The following ZNF185 variants were observed in gnomAD, a reference collection of about 807,000 sequenced individuals.
The protein encoded by ZNF185 is zinc finger protein 185.
Under a neutral mutation model 58.6 loss-of-function variants are expected in ZNF185, and 56 were observed. The observed-to-expected ratio is 0.95, with a 90% CI of 0.77 to 1.19. ZNF185 has a LOEUF of 1.19. Among genes scored for constraint, ZNF185 ranks in the 50% most tolerant of loss-of-function variants. The pLI, the probability that ZNF185 is intolerant of heterozygous loss-of-function variation, is 0.00. For missense variants in ZNF185, 627 were observed against 573.5 expected (o/e 1.09, Z -0.95); for synonymous variants, 230 against 215.9 (o/e 1.07, Z -0.57).
At chrX:152,954,139 A>C (rs34659159) in intron 16 of ZNF185, among the ~76,000 whole-genome samples, 722 of 67,759 alleles carry the variant, frequency 0.011, 10 homozygotes, top group African/African-American at 0.03. Context: ...CAAAATAATA[A>C]AAAAAAAAAA....
At chrX:152,910,523 A>C (rs1937020534), upstream of ZNF185, among the ~76,000 whole-genome samples, 1 of 112,309 alleles carries the variant, frequency 8.9e-6, no homozygotes, top group African/African-American at 3.2e-5. Context: ...TAAATACTAC[A>C]TGTCTCAGTA....
At chrX:152,969,278 C>T (rs5925266) in intron 20 of ZNF185, 104 bp from the exon 23 acceptor site, 172,929 of 639,272 alleles carry the variant, frequency 0.27, 16,651 homozygotes, top group South Asian at 0.42. Context: ...GGGATCCTGA[C>T]AGCAAACCTG....
At chrX:152,917,405 T>G (rs1556866733) in intron 5 of ZNF185, 43 bp downstream of exon 6, 3 of 1,183,607 alleles carry the variant, frequency 2.5e-6, no homozygotes, top group Admixed American at 4.4e-5. Context: ...TGGGGAGGTG[T>G]GAGGGCCTGG....
chrX:152,938,357 C>G (rs1334963143), intron 15 of ZNF185, among the ~76,000 whole-genome samples, 194 bp downstream of exon 17: 2 of 112,499 alleles, frequency 1.8e-5, no homozygotes, highest in African/African-American at 6.5e-5. Flanking sequence ...AAACTGTTGC[C>G]TTGGCCAGGA....
chrX:152,911,743 TCCATC>T (rs1282148638), upstream of ZNF185, among the ~76,000 whole-genome samples: 3 of 28,270 alleles, frequency 1.1e-4, no homozygotes, highest in African/African-American at 3.0e-4. Flanking sequence ...TCCCATCACA[TCCATC>T]CCATCCCATC....
At position 152,960,969 on chromosome X, in the gene ZNF185, C is replaced by G. The variant is rs1160187240; in HGVS notation, c.1607+1073C>G. On this transcript the variant is annotated intron_variant, in intron 17 of 22. Coordinates refer to ENST00000449285, the Ensembl canonical transcript of ZNF185. ...TGGTCACTGGGAACCCACCTATTGGCTCTTGCACTGGCAGGACATGTGGTA... is the reference window on the plus strand; with the variant it reads ...TGGTCACTGGGAACCCACCTATTGGGTCTTGCACTGGCAGGACATGTGGTA... Among the ~76,000 whole-genome samples the G allele has an allele frequency of 8.9e-5, 10 of 112,533 alleles. No individual in the cohort carries two copies. In the Admixed American group the frequency reaches 9.4e-4, roughly 11 times the overall value.
intron 16 of ZNF185, among the ~76,000 whole-genome samples, chrX:152,948,534 CTGAG>C (rs782391258): frequency 8.9e-5 from 10 of 112,035 alleles, no homozygotes; most frequent in African/African-American, 3.2e-4. Context: ...CAACTCACTG[CTGAG>C]GGGAACTGAG....
chrX:152,971,552 A>T (rs1442021217), exon 23 of ZNF185: 3 of 112,201 alleles, frequency 2.7e-5, no homozygotes, highest in African/African-American at 9.7e-5. Flanking sequence ...TCAAACAGGA[A>T]TTCCATCTTG....
chrX:152,920,031 C>T (rs781796459), intron 7 of ZNF185, among the ~76,000 whole-genome samples: 5 of 113,378 alleles, frequency 4.4e-5, no homozygotes, highest in South Asian at 7.1e-4. Flanking sequence ...ATCTGTAAAT[C>T]ACAGAGGATA....
chrX:152,959,204 A>G (rs1193119264), intron 16 of ZNF185, among the ~76,000 whole-genome samples: 3 of 110,907 alleles, frequency 2.7e-5, no homozygotes, highest in Non-Finnish European at 5.7e-5. Flanking sequence ...ACACGTGCGC[A>G]CTCCCCTACC....
At chrX:152,915,906 G>A (rs1161012500) in intron 3 of ZNF185, among the ~76,000 whole-genome samples, 1 of 111,900 alleles carries the variant, frequency 8.9e-6, no homozygotes, top group Non-Finnish European at 1.9e-5. Context: ...TAGAGGCAGT[G>A]GCGGCCTCTG....
chrX:152,941,773 C>T (rs1319477842), intron 15 of ZNF185: 2 of 1,164,236 alleles, frequency 1.7e-6, no homozygotes, highest in Admixed American at 2.6e-5. Context: ...GTGCCGGCCG[C>T]CAGAGGTCGC....
chrX:152,922,889 G>A, intron 11 of ZNF185, 80 bp downstream of exon 12: 1 of 953,608 alleles, frequency 1.0e-6, no homozygotes, highest in Non-Finnish European at 1.5e-6. Context: ...TCTGCCAGCT[G>A]GGGAGGGTCT....
chrX:152,961,521 AT>A (rs1176589121), intron 17 of ZNF185, among the ~76,000 whole-genome samples: 16 of 109,955 alleles, frequency 1.5e-4, no homozygotes, highest in Non-Finnish European at 3.0e-4. Flanking sequence ...TTCCCCAGAG[AT>A]TTTTTTTTCC....
intron 3 of ZNF185, 148 bp downstream of exon 4, chrX:152,915,351 T>C (rs1327234295): frequency 8.9e-6 from 5 of 564,404 alleles, no homozygotes; most frequent in Admixed American, 8.0e-5. Context: ...ATTTGAAATC[T>C]GCAGGAAGGA....
exon 21 of ZNF185, chrX:152,969,445 A>G (rs1556917369): frequency 8.3e-7 from 1 of 1,208,473 alleles, no homozygotes; most frequent in Non-Finnish European, 1.1e-6. Context: ...AGATTACCCT[A>G]GAACATCTTG....
At chrX:152,910,684 G>C (rs1274352833), upstream of ZNF185, among the ~76,000 whole-genome samples, 1 of 112,165 alleles carries the variant, frequency 8.9e-6, no homozygotes, top group Non-Finnish European at 1.9e-5. Flanking sequence ...TGCTGTACTC[G>C]TGCAATTTCT....
rs142905570 is a variant in ZNF185, at chrX:152,938,765, C to T, written c.1211+602C>T. Among the ~76,000 whole-genome samples, 177 of 111,462 alleles carry T rather than the reference C, an allele frequency of 1.6e-3. 3 individuals are homozygous for T. Among genetic ancestry groups the T allele is most frequent in the African/African-American group, 5.0e-3 (154 of 30,526 alleles). On this transcript the variant is annotated intron_variant, in intron 15 of 22. Coordinates refer to ENST00000449285, the Ensembl canonical transcript of ZNF185. ...AGGTTTATGCCTAATTACAACAAAACCCAAAAGCCTGGAGCCTAGGTCTCT... is the reference window on the plus strand; with the variant it reads ...AGGTTTATGCCTAATTACAACAAAATCCAAAAGCCTGGAGCCTAGGTCTCT...
chrX:152,947,569 A>G (rs1230398055), intron 16 of ZNF185, among the ~76,000 whole-genome samples: 1 of 111,564 alleles, frequency 9.0e-6, no homozygotes, highest in Non-Finnish European at 1.9e-5. Flanking sequence ...GCCGAATGAG[A>G]AGTGCCTGTA....
Sources: allele counts gnomAD v4.1 joint callset (sites outside exome capture counted in the v4.1 genomes callset), GRCh38; gene constraint gnomAD v4.1.1; transcripts MANE v1.5; gene names NCBI Gene and HGNC (gene_info 2026-07-23, HGNC 2026-07-21).